Variants in PCDH9 observed in about 807,000 individuals in gnomAD.
PCDH9 encodes protocadherin 9, also known as protocadherin-9.
Under a neutral mutation model 70.6 loss-of-function variants are expected in PCDH9, and 24 were observed. The observed-to-expected ratio is 0.34, with a 90% CI of 0.25 to 0.48. The LOEUF (loss-of-function observed/expected upper bound fraction) is 0.48, where lower values mean the gene tolerates loss of function less well. Ranked by LOEUF, PCDH9 falls within the 20% of genes least tolerant of loss-of-function variation. PCDH9 has a pLI of 0.99. For missense variants in PCDH9, 1,281 were observed against 1,503.6 expected, an observed-to-expected ratio of 0.85 and a Z score of 2.45; for synonymous variants, 562 against 558.5, an observed-to-expected ratio of 1.01 and a Z score of -0.09.
At chr13:66,541,216 T>C (rs1960938776) in intron 4 of PCDH9, among the ~76,000 whole-genome samples, 1 of 152,112 alleles carries the variant, frequency 6.6e-6, no homozygotes, top group Non-Finnish European at 1.5e-5. Flanking sequence ...ACAGACAAAG[T>C]CCCAATATTC....
intron 3 of PCDH9, among the ~76,000 whole-genome samples, chr13:66,756,129 A>T (rs1474376974): frequency 6.6e-6 from 1 of 152,120 alleles, no homozygotes; most frequent in Non-Finnish European, 1.5e-5. Context: ...TAGATCTACA[A>T]ACTTGTAATT....
intron 3 of PCDH9, among the ~76,000 whole-genome samples, chr13:66,745,747 A>AT (rs530326158): frequency 4.6e-5 from 7 of 151,900 alleles, no homozygotes; most frequent in African/African-American, 9.7e-5. Context: ...GAATTTGTAT[A>AT]TTTTTTTTAA....
intron 2 of PCDH9, among the ~76,000 whole-genome samples, chr13:67,198,501 A>G (rs963753757): frequency 1.3e-5 from 2 of 151,848 alleles, no homozygotes; most frequent in Non-Finnish European, 3.0e-5. Context: ...TTCCACCACA[A>G]CAAACAAACA....
chr13:66,633,662 A>G (rs974491881), intron 3 of PCDH9, among the ~76,000 whole-genome samples: 2 of 152,164 alleles, frequency 1.3e-5, no homozygotes, highest in African/African-American at 2.4e-5. Flanking sequence ...TCTGGTGAGT[A>G]AAAAGAAGTC....
chr13:66,622,961 A>T (rs1183022497), intron 4 of PCDH9, among the ~76,000 whole-genome samples: 1 of 152,170 alleles, frequency 6.6e-6, no homozygotes, highest in Non-Finnish European at 1.5e-5. Flanking sequence ...GGGAGGAACG[A>T]ACAACTCCAG....
intron 2 of PCDH9, chr13:67,216,418 A>C (rs530146477): frequency 6.6e-6 from 1 of 151,962 alleles, no homozygotes; most frequent in South Asian, 2.1e-4. Flanking sequence ...AAAAATGATG[A>C]TTTTGTATAA....
intron 2 of PCDH9, among the ~76,000 whole-genome samples, chr13:67,077,854 T>TAA (rs575010074): frequency 6.6e-6 from 1 of 151,468 alleles, no homozygotes; most frequent in African/African-American, 2.4e-5. Flanking sequence ...ATGCCCACAT[T>TAA]AAAAAAAAAT....
chr13:67,105,399 T>C (rs1166582933), intron 2 of PCDH9, among the ~76,000 whole-genome samples: 6 of 152,118 alleles, frequency 3.9e-5, no homozygotes, highest in Admixed American at 2.0e-4. Context: ...ATTATTTGGC[T>C]ACTGGTTTTG....
intron 2 of PCDH9, among the ~76,000 whole-genome samples, chr13:66,923,670 T>G (rs1430580660): frequency 6.6e-6 from 1 of 151,658 alleles, no homozygotes; most frequent in African/African-American, 2.4e-5. Context: ...AAGCATAGAA[T>G]GATTAAGTAA....
chr13:66,826,280 A>T (rs1483592450), intron 3 of PCDH9, among the ~76,000 whole-genome samples: 1 of 152,196 alleles, frequency 6.6e-6, no homozygotes, highest in Non-Finnish European at 1.5e-5. Context: ...CTTATCAAAA[A>T]TATCATTCTC....
chr13:66,747,440 A>G (rs2079387906), intron 3 of PCDH9, among the ~76,000 whole-genome samples: 1 of 152,198 alleles, frequency 6.6e-6, no homozygotes, highest in Non-Finnish European at 1.5e-5. Context: ...TTTCATCAAA[A>G]TATTTTAATT....
chr13:66,410,309 C>A (rs1234600507), intron 4 of PCDH9, among the ~76,000 whole-genome samples: 1 of 151,896 alleles, frequency 6.6e-6, no homozygotes, highest in African/African-American at 2.4e-5. Context: ...CATTGTTTTA[C>A]AGTGATCAAA....
intron 2 of PCDH9, among the ~76,000 whole-genome samples, chr13:67,048,417 C>T (rs565283154): frequency 1.3e-4 from 20 of 152,242 alleles, no homozygotes; most frequent in East Asian, 1.9e-4. Flanking sequence ...CCTAAAGTGA[C>T]GCTGTCAAGA....
At chr13:66,372,613 T>C (rs887982955) in intron 4 of PCDH9, among the ~76,000 whole-genome samples, 7 of 150,894 alleles carry the variant, frequency 4.6e-5, no homozygotes, top group African/African-American at 1.7e-4. Context: ...AGCATCAGAG[T>C]GGCATTATAA....
chr13:67,096,892 A>T (rs774694984), intron 2 of PCDH9, among the ~76,000 whole-genome samples: 1 of 152,116 alleles, frequency 6.6e-6, no homozygotes, highest in Non-Finnish European at 1.5e-5. Flanking sequence ...AACTGAAAAC[A>T]TCATTTTCCC....
chr13:66,396,624 T>C (rs1957106387), intron 4 of PCDH9, among the ~76,000 whole-genome samples: 2 of 152,218 alleles, frequency 1.3e-5, no homozygotes, highest in African/African-American at 2.4e-5. Flanking sequence ...TATCTGTGAT[T>C]CTAGCGTCAG....
intron 2 of PCDH9, among the ~76,000 whole-genome samples, chr13:67,127,826 T>C (rs540929852): frequency 1.3e-5 from 2 of 152,086 alleles, no homozygotes; most frequent in Admixed American, 6.6e-5. Flanking sequence ...GAGTCAGTAC[T>C]GGAGATGGGA....
chr13:67,147,225 T>A (rs544892815), intron 2 of PCDH9, among the ~76,000 whole-genome samples: 1 of 152,190 alleles, frequency 6.6e-6, no homozygotes, highest in South Asian at 2.1e-4. Flanking sequence ...AATAGGATGC[T>A]AGGATGCTTA....
intron 4 of PCDH9, among the ~76,000 whole-genome samples, chr13:66,456,043 A>G (rs1029880481): frequency 3.9e-5 from 6 of 152,166 alleles, no homozygotes; most frequent in Non-Finnish European, 5.9e-5. Flanking sequence ...AGAGTTTAGA[A>G]CACCTATTTG....
Sources: allele counts gnomAD v4.1 joint callset (sites outside exome capture counted in the v4.1 genomes callset), GRCh38; gene constraint gnomAD v4.1.1; transcripts MANE v1.5; gene names NCBI Gene and HGNC (gene_info 2026-07-23, HGNC 2026-07-21).